Variants in MAST2 observed in about 807,000 individuals in gnomAD.
MAST2 encodes the protein microtubule-associated serine/threonine-protein kinase 2.
Under a neutral mutation model 147.4 loss-of-function variants are expected in MAST2, and 70 were observed. The ratio of observed to expected loss-of-function variants is 0.47; its 90% confidence interval spans 0.39 to 0.58. The LOEUF (loss-of-function observed/expected upper bound fraction) is 0.58. Among genes scored for constraint, MAST2 ranks in the 20% least tolerant of loss-of-function variants. MAST2 has a pLI of 0.00. For missense variants in MAST2, 2,080 were observed against 2,302.3 expected (o/e 0.90, Z 1.98); for synonymous variants, 869 against 896.8 (o/e 0.97, Z 0.55).
At chr1:45,841,458 GTATATA>G (rs552340529) in intron 3 of MAST2, among the ~76,000 whole-genome samples, 1 of 151,024 alleles carries the variant, frequency 6.6e-6, no homozygotes. Context: ...TATTTCTTCT[GTATATA>G]TATATAATTA....
In MAST2 at chr1:45,890,176, C is replaced by T. The variant is rs542339078; in HGVS notation, c.500+7781C>T. Among the ~76,000 whole-genome samples the T allele has an allele frequency of 1.4e-3, 206 of 152,152 alleles. 2 individuals carry two copies. The Middle Eastern group carries it at 0.02, about 15-fold the overall frequency. On this transcript the variant is annotated intron_variant, in intron 4 of 28. Transcript: ENST00000361297. ...GCTGTCTGTAGACTAAGTTGGGTTT[C>T]CCAGAACATACTTTCAATAAAGCCT...
At chr1:46,021,564 G>A (rs537135232) in intron 11 of MAST2, among the ~76,000 whole-genome samples, 1 of 152,352 alleles carries the variant, frequency 6.6e-6, no homozygotes, top group East Asian at 1.9e-4. Context: ...GTAGGGCTTT[G>A]CCAAAGCTCT....
chr1:45,939,989 T>TTTTGTTTTTTTTTTTTTTTTTG (rs776892902), intron 4 of MAST2, among the ~76,000 whole-genome samples: 22 of 128,918 alleles, frequency 1.7e-4, no homozygotes, highest in South Asian at 2.6e-4. Flanking sequence ...GGTTTTTTTT[T>TTTTGTTTTTTTTTTTTTTTTTG]TTTTTTTTTT....
chr1:45,839,129 A>ATTTTTTTTTTTTTTT (rs370950575), intron 3 of MAST2, among the ~76,000 whole-genome samples: 2 of 127,624 alleles, frequency 1.6e-5, no homozygotes, highest in Admixed American at 8.0e-5. Context: ...ACCATCACAA[A>ATTTTTTTTTTTTTTT]TTTTTTTTTT....
chr1:45,893,591 G>C (rs1456892694), intron 4 of MAST2, among the ~76,000 whole-genome samples: 2 of 130,480 alleles, frequency 1.5e-5, no homozygotes, highest in Admixed American at 1.6e-4. Flanking sequence ...TCTTCCTGTA[G>C]GATATTTTAA....
At chr1:45,941,248 TG>T (rs1189977224) in intron 4 of MAST2, among the ~76,000 whole-genome samples, 1 of 152,144 alleles carries the variant, frequency 6.6e-6, no homozygotes, top group Admixed American at 6.5e-5. Context: ...TAGGTGTTTT[TG>T]TTTTTTTATT....
chr1:45,893,581 TC>T (rs1557876241), intron 4 of MAST2, among the ~76,000 whole-genome samples: 1 of 146,004 alleles, frequency 6.8e-6, no homozygotes, highest in Non-Finnish European at 1.5e-5. Flanking sequence ...TGAAAACACT[TC>T]TTCCTGTAGG....
intron 4 of MAST2, among the ~76,000 whole-genome samples, chr1:45,906,912 G>C (rs1173782834): frequency 2.0e-5 from 3 of 151,876 alleles, no homozygotes; most frequent in Admixed American, 1.3e-4. Flanking sequence ...TATTTTTACT[G>C]TACCTTTTTT....
rs1041100470 is a variant in MAST2, at chr1:46,008,508, C to A, written c.978+137C>A. 6.2e-5 allele frequency: 40 copies of A among 644,094 alleles called. No homozygotes were observed. In the East Asian group the frequency reaches 1.0e-3, roughly 17 times the overall value. 39.9% of individuals were successfully genotyped at this position (644,094 alleles called of 1,614,324 possible). The stretch of plus-strand genomic sequence containing the variant: ...CCAAGAAGAAGAACAGAAAGTCAGC[C>A]AGGAGGCTGTGGACACAGCAACAAG... On this transcript the variant is annotated intron_variant, in intron 9 of 28. Transcript: ENST00000361297.
intron 3 of MAST2, among the ~76,000 whole-genome samples, chr1:45,866,121 A>T (rs1646141140): frequency 6.6e-6 from 1 of 152,208 alleles, no homozygotes. Context: ...GGATTAGTAA[A>T]CTTAAAATAT....
At chr1:45,814,947 A>C (rs956852493) in intron 1 of MAST2, among the ~76,000 whole-genome samples, 12 of 152,206 alleles carry the variant, frequency 7.9e-5, no homozygotes, top group Non-Finnish European at 1.3e-4. Context: ...TAGAAGATAG[A>C]ATAGTCTCCC....
In MAST2 at chr1:46,031,623, AG is replaced by A; in HGVS notation, c.3187+41del. 1 of 1,585,958 alleles carries A rather than the reference AG, an allele frequency of 6.3e-7. No individual in the cohort carries two copies. Among genetic ancestry groups the A allele is most frequent in the South Asian group, 1.1e-5 (1 of 88,286 alleles). ...GGGAGCTGGGATAAAACTCACAGGAAGGGCCTTGTAATCTCTAGGCCTTGGG... is the reference window on the plus strand; with the variant it reads ...GGGAGCTGGGATAAAACTCACAGGAAGGCCTTGTAATCTCTAGGCCTTGGG... On this transcript the variant is annotated intron_variant, in intron 24 of 28. Transcript: ENST00000361297. The surrounding 1 kb of genome is among the most constrained non-coding windows in gnomAD (Gnocchi z 4.1).
At chr1:45,820,893 C>CTTTTTTTTTTTTTTTTTTTTTTT (rs769508054) in intron 1 of MAST2, among the ~76,000 whole-genome samples, 3 of 43,078 alleles carry the variant, frequency 7.0e-5, no homozygotes, top group Non-Finnish European at 1.2e-4. Flanking sequence ...CTTTCTTTCT[C>CTTTTTTTTTTTTTTTTTTTTTTT]TTTTTTTTTT....
intron 4 of MAST2, among the ~76,000 whole-genome samples, chr1:45,946,238 T>A (rs1445107437): frequency 2.0e-5 from 3 of 152,130 alleles, no homozygotes; most frequent in African/African-American, 4.8e-5. Flanking sequence ...ACTGTGTGAA[T>A]GTCAACTGCA....
intron 1 of MAST2, among the ~76,000 whole-genome samples, chr1:45,809,497 G>T (rs1052939561): frequency 6.6e-6 from 1 of 152,112 alleles, no homozygotes; most frequent in African/African-American, 2.4e-5. Context: ...ACAAAAATTA[G>T]TCGGGGTTGG....
intron 4 of MAST2, among the ~76,000 whole-genome samples, chr1:45,908,077 A>G (rs929010209): frequency 6.6e-6 from 1 of 151,700 alleles, no homozygotes; most frequent in African/African-American, 2.4e-5. Context: ...TGGTTTTATT[A>G]ATTTTATTAA....
chr1:46,034,254 G>C lies in MAST2; in HGVS notation c.3856G>C (p.Ala1286Pro). 6.2e-7 allele frequency: 1 copy of C among 1,613,010 alleles called. No individual in the cohort carries two copies. Among genetic ancestry groups the C allele is most frequent in the South Asian group, 1.1e-5 (1 of 90,944 alleles). ...TCAAGGCTACCGGGTGACCCCCGAT[G>C]CTGTGCATTCAGGTACGAAGGGCTC... ...PTQGYRVTPD[A>P]VHSVGGNSSQ... The change falls in exon 28 of 29, where the codon GCT becomes CCT. Residue 1286 changes from alanine (A) to proline (P), a missense_variant. Physicochemically the swap from Ala to Pro is conservative, Grantham distance 27. Transcript: ENST00000361297.
rs180771339 is a variant in MAST2, at chr1:46,035,433, C to A, written c.4764C>A (p.Ala1588=). 5 of 1,613,076 alleles carry A rather than the reference C, an allele frequency of 3.1e-6. No individual in the cohort carries two copies. Among genetic ancestry groups the A allele is most frequent in the Non-Finnish European group, 4.2e-6 (5 of 1,179,788 alleles). ...ACAGGAGGCTCGGGAGCCCACAAGC[C>A]ATTGAGGAGGCTGCCAGCTCCTCCT... ...GPHRRLGSPQ[A]IEEAASSSSA... The change falls in exon 29 of 29, where the codon GCC becomes GCA. Residue 1588 remains alanine (A), a synonymous_variant. Coordinates refer to ENST00000361297, the MANE Select transcript of MAST2 (RefSeq NM_015112.3). This position sits in a 1 kb window ranked among gnomAD's most constrained non-coding sequence, Gnocchi z 5.5.
intron 4 of MAST2, among the ~76,000 whole-genome samples, chr1:45,885,186 C>CT (rs1647028649): frequency 6.6e-6 from 1 of 152,104 alleles, no homozygotes; most frequent in African/African-American, 2.4e-5. Context: ...TCATTTAAGT[C>CT]TTGGTCAGAA....
Sources: allele counts gnomAD v4.1 joint callset (sites outside exome capture counted in the v4.1 genomes callset), GRCh38; gene constraint gnomAD v4.1.1; non-coding constraint Gnocchi (gnomAD v3.1); transcripts MANE v1.5; gene names NCBI Gene and HGNC (gene_info 2026-07-23, HGNC 2026-07-21).